Variants in TNRC6B observed in about 807,000 individuals in gnomAD.
The protein encoded by TNRC6B is trinucleotide repeat-containing gene 6B protein.
Under a neutral mutation model 203.6 loss-of-function variants are expected in TNRC6B, and 52 were observed. The ratio of observed to expected loss-of-function variants is 0.26; its 90% confidence interval spans 0.20 to 0.32. The LOEUF is 0.32. TNRC6B is among the 10% of genes least tolerant of loss of function. The pLI, the probability that TNRC6B is intolerant of heterozygous loss-of-function variation, is 1.00. For synonymous variants in TNRC6B, 838 were observed against 845.7 expected (o/e 0.99, Z 0.16); for missense variants, 1,923 against 2,286.2 (o/e 0.84, Z 3.24).
chr22:40,169,575 C>T (rs2068952218), intron 4 of TNRC6B, among the ~76,000 whole-genome samples: 1 of 152,210 alleles, frequency 6.6e-6, no homozygotes, highest in Non-Finnish European at 1.5e-5. Flanking sequence ...TCTCCACCTC[C>T]ACTGCCCAGC....
intron 1 of TNRC6B, among the ~76,000 whole-genome samples, chr22:40,189,567 G>A (rs1407003434): frequency 6.6e-6 from 1 of 151,892 alleles, no homozygotes; most frequent in African/African-American, 2.4e-5. Context: ...CTTGCTACAG[G>A]ATTTCTTAAC....
Position 40,331,753 on chromosome 22 carries a change from TG to T in TNRC6B, c.*8516del, listed in dbSNP as rs2071470491. On this transcript the variant is annotated 3_prime_UTR_variant, in exon 23 of 23. Transcript: ENST00000454349. ...GTAACTATGCATTCTGCAAAGGGGG[TG>T]GGGAGGAGAGGGCAGAAAGGGGAAG... is the stretch of plus-strand genomic sequence containing the variant. 9.1e-6 allele frequency: 2 copies of T among 219,448 alleles called. No homozygotes were observed. Among genetic ancestry groups the T allele is most frequent in the African/African-American group, 5.4e-5 (2 of 37,006 alleles). The allele number at this position is 219,448 out of a possible 1,614,324, so 13.6% of individuals were successfully genotyped here.
At position 40,141,996 on chromosome 22, in the gene TNRC6B, A is replaced by G. The variant is rs546634674; in HGVS notation, c.46-14119A>G. Among the ~76,000 whole-genome samples, 24 of 150,896 alleles carry G rather than the reference A, an allele frequency of 1.6e-4. No individual in the cohort carries two copies. The South Asian group carries it at 4.2e-3, about 26-fold the overall frequency. ...AGGATGGTCTTGATCTCCTGACCTC[A>G]TGATCCACCCACCTCGGCCTCCCAA... On this transcript the variant is annotated intron_variant, in intron 3 of 23. Transcript: ENST00000301923.
chr22:40,062,261 C>T (rs986296662), intron 1 of TNRC6B, among the ~76,000 whole-genome samples: 4 of 152,040 alleles, frequency 2.6e-5, no homozygotes, highest in Non-Finnish European at 4.4e-5. Flanking sequence ...AGTGCAGTGG[C>T]GTGATCTGGG....
Position 40,311,003 on chromosome 22 carries a change from A to G in TNRC6B, c.4435+10A>G. On this transcript the variant is annotated intron_variant, in intron 17 of 22. Transcript: ENST00000454349. ...GCCAGTTGGCCTCCAGGTATTGTCT[A>G]GGAAATGCTTTTCCCAGGATAGCAT... 6.2e-7 allele frequency: 1 copy of G among 1,600,640 alleles called. No individual in the cohort carries two copies. The highest frequency in any genetic ancestry group is 8.5e-7 in the Non-Finnish European group (1 of 1,174,132).
intron 3 of TNRC6B, among the ~76,000 whole-genome samples, chr22:40,146,400 TG>T (rs2068695632): frequency 8.1e-6 from 1 of 124,024 alleles, no homozygotes; most frequent in Non-Finnish European, 1.6e-5. Context: ...TGAGAAATGC[TG>T]TCTTTTTTTT....
chr22:40,157,742 A>G (rs1293473276), intron 4 of TNRC6B, among the ~76,000 whole-genome samples: 1 of 151,724 alleles, frequency 6.6e-6, no homozygotes, highest in Non-Finnish European at 1.5e-5. Flanking sequence ...CCACCCCCAC[A>G]CTCTGGTCAA....
intron 2 of TNRC6B, chr22:40,246,396 G>T (rs1284516620): frequency 3.6e-5 from 7 of 195,770 alleles, no homozygotes; most frequent in Non-Finnish European, 1.1e-5. Flanking sequence ...CTCCATGTTG[G>T]TCAGGCTGGT....
chr22:40,318,166 T>C (rs1447934606), intron 21 of TNRC6B, among the ~76,000 whole-genome samples: 1 of 152,180 alleles, frequency 6.6e-6, no homozygotes, highest in Non-Finnish European at 1.5e-5. Flanking sequence ...AAGATGCACA[T>C]TGAGGTAAAC....
intron 3 of TNRC6B, among the ~76,000 whole-genome samples, chr22:40,261,379 C>G (rs559986234): frequency 2.8e-4 from 42 of 152,222 alleles, no homozygotes; most frequent in African/African-American, 9.9e-4. Flanking sequence ...GAGTTCAAGA[C>G]CAGCCTGGTC....
At position 40,090,401 on chromosome 22, in the gene TNRC6B, GT is replaced by G. The variant is rs60280693; in HGVS notation, c.-120-26640del. ...AATGGGTGTGTAGTGGCATCTCATT[GT>G]TTTTTTTTTTTTTAAATTTGTAGTT... On this transcript the variant is annotated intron_variant, in intron 1 of 23. Transcript: ENST00000301923. Among the ~76,000 whole-genome samples, 216 of 136,634 alleles carry G rather than the reference GT, an allele frequency of 1.6e-3. 1 individual carries two copies. The highest frequency in any genetic ancestry group is 1.5e-3 in the Non-Finnish European group (98 of 65,048). The allele number at this position is 136,634 out of a possible 152,430, so 89.6% of individuals were successfully genotyped here.
intron 21 of TNRC6B, among the ~76,000 whole-genome samples, chr22:40,319,326 T>C (rs916825595): frequency 6.6e-6 from 1 of 151,860 alleles, no homozygotes; most frequent in Non-Finnish European, 1.5e-5. Context: ...CATGATTTCT[T>C]ACCCTTGGTC....
At position 40,322,978 on chromosome 22, in the gene TNRC6B, C is replaced by G. The variant is rs376332682; in HGVS notation, c.5239C>G (p.Gln1747Glu). 1.2e-5 allele frequency: 20 copies of G among 1,611,650 alleles called. No homozygotes were observed. The African/African-American group carries it at 2.3e-4, about 18-fold the overall frequency. ...ATPSAPAAGWQSLETGQNQSD... is the reference protein window; with the variant it reads ...ATPSAPAAGWESLETGQNQSD... ...CCCAAGTGCGCCAGCTGCGGGGTGGCAGTCGCTGGAGACCGGCCAGAACCA... is the reference window on the plus strand; with the variant it reads ...CCCAAGTGCGCCAGCTGCGGGGTGGGAGTCGCTGGAGACCGGCCAGAACCA... The change falls in exon 23 of 23, where the codon CAG becomes GAG. Residue 1747 changes from glutamine to glutamate, a missense_variant. By Grantham distance (29) the Gln-to-Glu change is conservative. Coordinates refer to ENST00000454349, the MANE Select transcript of TNRC6B (RefSeq NM_001162501.2).
At chr22:40,099,611 C>G (rs917270884) in intron 1 of TNRC6B, among the ~76,000 whole-genome samples, 6 of 152,178 alleles carry the variant, frequency 3.9e-5, no homozygotes, top group Non-Finnish European at 7.3e-5. Flanking sequence ...AGTACAACAG[C>G]TGCTTACATA....
At chr22:40,188,328 A>G (rs1374675399) in intron 1 of TNRC6B, among the ~76,000 whole-genome samples, 5 of 152,214 alleles carry the variant, frequency 3.3e-5, no homozygotes, top group Non-Finnish European at 7.3e-5. Flanking sequence ...TTCAGTTGAC[A>G]TAGAGAAGCT....
chr22:40,095,996 C>T (rs2068183600), intron 1 of TNRC6B, among the ~76,000 whole-genome samples: 1 of 152,036 alleles, frequency 6.6e-6, no homozygotes, highest in African/African-American at 2.4e-5. Context: ...CAGTGTAGCT[C>T]CTCTGTACCC....
chr22:40,258,432 G>A (rs1416490503), intron 3 of TNRC6B, among the ~76,000 whole-genome samples: 1 of 152,056 alleles, frequency 6.6e-6, no homozygotes, highest in Non-Finnish European at 1.5e-5. Flanking sequence ...TCTCCAATTA[G>A]TGCCGGCAAT....
intron 3 of TNRC6B, among the ~76,000 whole-genome samples, chr22:40,145,067 C>CAAAA (rs768152120): frequency 9.7e-4 from 93 of 95,896 alleles, no homozygotes; most frequent in African/African-American, 3.1e-3. Context: ...TCTAGCTCCA[C>CAAAA]AAAAAAAAAA....
At chr22:40,106,955 A>C in intron 1 of TNRC6B, 1 of 1,180,188 alleles carries the variant, frequency 8.5e-7, no homozygotes, top group Non-Finnish European at 1.2e-6. Context: ...CTTTTGGGCA[A>C]ACTTCTTTCT....
Sources: gnomAD v4.1 joint callset for allele counts (sites outside exome capture counted in the v4.1 genomes callset) on GRCh38, gnomAD v4.1.1 for gene constraint, MANE v1.5 for transcripts, NCBI Gene and HGNC (gene_info 2026-07-23, HGNC 2026-07-21) for gene names.